SLC9A1: variants seen among roughly 807,000 people sequenced by gnomAD.
SLC9A1 encodes the protein solute carrier family 9 member A1.
SLC9A1 carries 22 observed loss-of-function variants against 67.9 expected under a neutral mutation model. The ratio of observed to expected loss-of-function variants is 0.32; its 90% CI spans 0.23 to 0.46. The LOEUF (loss-of-function observed/expected upper bound fraction) is 0.46. Among genes scored for constraint, SLC9A1 ranks in the 20% least tolerant of loss-of-function variants. The pLI, the probability that SLC9A1 is intolerant of heterozygous loss-of-function variation, is 1.00. For synonymous variants in SLC9A1, 421 were observed against 471.8 expected (o/e 0.89, Z 1.40); for missense variants, 686 against 1,094.8 (o/e 0.63, Z 5.27).
intron 1 of SLC9A1, among the ~76,000 whole-genome samples, chr1:27,126,057 T>C (rs1195925757): frequency 2.6e-5 from 4 of 152,164 alleles, no homozygotes; most frequent in African/African-American, 2.4e-5. Flanking sequence ...GGCCTTTGCA[T>C]TTGCTGTTCC....
intron 8 of SLC9A1, 58 bp from the exon 9 acceptor site, chr1:27,102,188 A>G: frequency 6.7e-7 from 1 of 1,487,210 alleles, no homozygotes; most frequent in Non-Finnish European, 9.4e-7. Flanking sequence ...GGTGCCTCCC[A>G]GGTTTGGCCA....
At chr1:27,129,561 C>T (rs985990084) in intron 1 of SLC9A1, among the ~76,000 whole-genome samples, 1 of 152,142 alleles carries the variant, frequency 6.6e-6, no homozygotes, top group Non-Finnish European at 1.5e-5. Flanking sequence ...AGAAGAGGGG[C>T]AGCAAGAAGT....
chr1:27,102,644 C>T (rs2083155808), intron 7 of SLC9A1, 29 bp downstream of exon 7: 1 of 1,613,062 alleles, frequency 6.2e-7, no homozygotes, highest in East Asian at 2.2e-5. Context: ...CCTGCCCCTC[C>T]CTGCCTGCCC....
intron 1 of SLC9A1, among the ~76,000 whole-genome samples, chr1:27,142,197 G>A (rs2083457122): frequency 6.6e-6 from 1 of 152,264 alleles, no homozygotes; most frequent in East Asian, 1.9e-4. Flanking sequence ...CCCTCCTCTC[G>A]GTCCACTGTC....
intron 3 of SLC9A1, among the ~76,000 whole-genome samples, chr1:27,108,184 G>A (rs1052450914): frequency 4.7e-5 from 7 of 150,474 alleles, no homozygotes; most frequent in Non-Finnish European, 7.4e-5. Context: ...CTCTGCCTCA[G>A]CCTCCCGAGT....
chr1:27,138,614 GGAGAGCACCGGCGC>G (rs1363399974), intron 1 of SLC9A1, among the ~76,000 whole-genome samples: 1 of 152,128 alleles, frequency 6.6e-6, no homozygotes, highest in African/African-American at 2.4e-5. Context: ...AGGGCCTGAA[GGAGAGCACCGGCGC>G]GAGGCAGTCT....
intron 1 of SLC9A1, among the ~76,000 whole-genome samples, chr1:27,132,395 G>A (rs2083392221): frequency 1.3e-5 from 2 of 152,090 alleles, no homozygotes; most frequent in African/African-American, 2.4e-5. Flanking sequence ...GCCATATAAT[G>A]AGGGGAATGG....
At chr1:27,133,826 G>A (rs953948036) in intron 1 of SLC9A1, among the ~76,000 whole-genome samples, 31 of 150,786 alleles carry the variant, frequency 2.1e-4, no homozygotes, top group South Asian at 6.3e-4. Flanking sequence ...GTGCAGTGGC[G>A]CGATCTCGGC....
chr1:27,110,846 G>A lies in SLC9A1; in HGVS notation c.814-1069C>T, dbSNP rs1240842332. On this transcript the variant is annotated intron_variant, in intron 2 of 11. Transcript: ENST00000263980. Reference sequence around the variant, plus strand: ...AAGTCTGTCCTAGACAGCTCTGCCAGGAAGGAGCAGGGAGTTTCCAGGCCT... The same window carrying A: ...AAGTCTGTCCTAGACAGCTCTGCCAAGAAGGAGCAGGGAGTTTCCAGGCCT... 3.3e-5 allele frequency among the ~76,000 whole-genome samples: 5 copies of A among 152,316 alleles called. No individual in the cohort carries two copies. In the East Asian group the frequency reaches 9.6e-4, roughly 29 times the overall value.
Position 27,109,628 on chromosome 1 carries a change from T to C in SLC9A1, c.963A>G (p.Arg321=), listed in dbSNP as rs1345800802. 4 of 1,613,330 alleles carry C rather than the reference T, an allele frequency of 2.5e-6. No individual in the cohort carries two copies. The highest frequency in any genetic ancestry group is 2.5e-6 in the Non-Finnish European group (3 of 1,179,924). ...CGATGACCCGGATGTGGGAGGTAAA[T>C]CGGGAGGTGAAGGCTGCGATGACCC... The part of the protein sequence containing the change: ...VYGVIAAFTS[R]FTSHIRVIEP... Residue 321 remains arginine (R), a synonymous_variant, in exon 3 of 12, where the codon CGA becomes CGG. Coordinates refer to ENST00000263980, the MANE Select transcript of SLC9A1 (RefSeq NM_003047.5). This position sits in a 1 kb window ranked among gnomAD's most constrained non-coding sequence, Gnocchi z 5.5.
chr1:27,116,108 C>T (rs777281522), intron 1 of SLC9A1, among the ~76,000 whole-genome samples: 7 of 152,104 alleles, frequency 4.6e-5, no homozygotes, highest in Non-Finnish European at 1.0e-4. Context: ...GCCTGTAATC[C>T]CAGCACTTTG....
intron 3 of SLC9A1, among the ~76,000 whole-genome samples, 197 bp from the exon 4 acceptor site, chr1:27,108,062 ATTT>A (rs1026584834): frequency 2.8e-5 from 3 of 108,908 alleles, no homozygotes; most frequent in Non-Finnish European, 3.7e-5. Context: ...GTATTCCTCC[ATTT>A]TTTTTTTTTT....
At position 27,101,507 on chromosome 1, in the gene SLC9A1, C is replaced by T. The variant is rs577025753; in HGVS notation, c.2037+218G>A. Among the ~76,000 whole-genome samples the T allele has an allele frequency of 1.1e-4, 16 of 152,304 alleles. No homozygotes were observed. The East Asian group carries it at 3.1e-3, about 29-fold the overall frequency. ...TACACTGCTCAGCCTTAAATCCACC[C>T]ATTCCTCTGTCCCCTGCCACTGCCC... On this transcript the variant is annotated intron_variant, in intron 10 of 11. Coordinates refer to ENST00000263980, the MANE Select transcript of SLC9A1 (RefSeq NM_003047.5). The surrounding 1 kb of genome is among the most constrained non-coding windows in gnomAD (Gnocchi z 4.9).
At chr1:27,128,957 TAAACAAAC>T (rs370209200) in intron 1 of SLC9A1, among the ~76,000 whole-genome samples, 2 of 152,008 alleles carry the variant, frequency 1.3e-5, no homozygotes, top group African/African-American at 2.4e-5. Context: ...GGAAACTCCA[TAAACAAAC>T]AAACAAACAA....
chr1:27,112,801 TTGAACC>T (rs748682255), intron 2 of SLC9A1, among the ~76,000 whole-genome samples: 25 of 150,816 alleles, frequency 1.7e-4, no homozygotes, highest in Non-Finnish European at 3.0e-4. Context: ...GGAGAATTGC[TTGAACC>T]TGGGAGGCGG....
chr1:27,111,575 C>T (rs1260590536), intron 2 of SLC9A1, among the ~76,000 whole-genome samples: 1 of 152,120 alleles, frequency 6.6e-6, no homozygotes. Flanking sequence ...GAGGGAGCAT[C>T]GCTTGTGCCC....
Position 27,102,469 on chromosome 1 carries a change from T to C in SLC9A1, c.1736A>G (p.Lys579Arg), listed in dbSNP as rs2083153968. 1 of 1,611,770 alleles carries C rather than the reference T, an allele frequency of 6.2e-7. No individual in the cohort carries two copies. The highest frequency in any genetic ancestry group is 2.2e-5 in the East Asian group (1 of 44,806). The part of the protein sequence containing the change: ...KEPQLIAFYH[K>R]MEMKQAIELV... ...CTCGATGGCCTGCTTCATCTCCATCTTGTGGTAGAAGGCAATGAGCTGGGG... is the reference window on the plus strand; with the variant it reads ...CTCGATGGCCTGCTTCATCTCCATCCTGTGGTAGAAGGCAATGAGCTGGGG... The change falls in exon 8 of 12, where the codon AAG becomes AGG. Residue 579 changes from lysine (K) to arginine (R), a missense_variant. Transcript: ENST00000263980.
chr1:27,103,682 C>T, intron 5 of SLC9A1: 1 of 285,578 alleles, frequency 3.5e-6, no homozygotes, highest in Middle Eastern at 1.2e-3. Flanking sequence ...TGCCTCCCCA[C>T]CAGGACTGTG....
intron 1 of SLC9A1, among the ~76,000 whole-genome samples, chr1:27,116,308 C>T (rs1024490546): frequency 5.3e-5 from 8 of 151,918 alleles, no homozygotes; most frequent in Admixed American, 2.6e-4. Context: ...TGCAGTGAGC[C>T]GAGATCACGC....
Sources: gnomAD v4.1 joint callset for allele counts (sites outside exome capture counted in the v4.1 genomes callset) on GRCh38, gnomAD v4.1.1 for gene constraint, Gnocchi (gnomAD v3.1) non-coding constraint, MANE v1.5 for transcripts, NCBI Gene and HGNC (gene_info 2026-07-23, HGNC 2026-07-21) for gene names.